Variants in CCDC88C observed in about 807,000 individuals in gnomAD.
The protein encoded by CCDC88C is coiled-coil and HOOK domain protein 88C, also known as protein Daple.
A neutral mutation model predicts 198.8 loss-of-function variants in CCDC88C; 131 were observed. That is an observed-to-expected ratio of 0.66 (90% confidence interval 0.57 to 0.76). The LOEUF (loss-of-function observed/expected upper bound fraction) is 0.76, where lower values mean the gene tolerates loss of function less well. Among genes scored for constraint, CCDC88C ranks in the 30% least tolerant of loss-of-function variants. CCDC88C has a pLI of 0.00. For synonymous variants in CCDC88C, 1,166 were observed against 1,114.7 expected (o/e 1.05, Z -0.92); for missense variants, 2,553 against 2,631.6 (o/e 0.97, Z 0.65).
intron 12 of CCDC88C, among the ~76,000 whole-genome samples, chr14:91,323,878 C>CA (rs1306364644): frequency 6.6e-6 from 1 of 152,280 alleles, no homozygotes; most frequent in Non-Finnish European, 1.5e-5. Flanking sequence ...GCTAACTTCT[C>CA]ACACAGATTC....
intron 10 of CCDC88C, among the ~76,000 whole-genome samples, chr14:91,337,784 CATCA>C (rs1226742622): frequency 6.6e-6 from 1 of 152,242 alleles, no homozygotes; most frequent in Non-Finnish European, 1.5e-5. Flanking sequence ...CACTGCCTTA[CATCA>C]ATCAATTACA....
At position 91,314,017 on chromosome 14, in the gene CCDC88C, G is replaced by A. The variant is rs771468832; in HGVS notation, c.1799C>T (p.Thr600Met). ...CTGGCTGAGCTTGCCATTGGCCTCC[G>A]TCACCGTCTGGTGGAGGGCTTTGTT... ...KENKALHQTV[T>M]EANGKLSQLE... Residue 600 changes from threonine to methionine, a missense_variant, in exon 15 of 30, where the codon ACG (threonine) becomes ATG (methionine). Coordinates refer to ENST00000389857, the MANE Select transcript of CCDC88C (RefSeq NM_001080414.4). 2.0e-5 allele frequency: 33 copies of A among 1,613,772 alleles called. No individual in the cohort carries two copies. Among genetic ancestry groups the A allele is most frequent in the East Asian group, 4.5e-5 (2 of 44,860 alleles).
chr14:91,279,243 A>G lies in CCDC88C; in HGVS notation c.4763T>C (p.Leu1588Pro). The change falls in exon 28 of 30, where the codon CTA (leucine) becomes CCA (proline). Residue 1588 changes from leucine (L) to proline (P), a missense_variant. Leu to Pro is a moderately conservative substitution (Grantham distance 98, BLOSUM62 -3). Transcript: ENST00000389857. The stretch of plus-strand genomic sequence containing the variant: ...CACAGAAGCACAAGACTTACCTTTT[A>G]GGTTAAGAGGTGAGCTGTTGCTGGA... Reference protein sequence around the residue: ...NTSSNSSPLNLKGSSEQLHGR... With the variant: ...NTSSNSSPLNPKGSSEQLHGR... 6.3e-7 allele frequency: 1 copy of G among 1,594,408 alleles called. No homozygotes were observed. The highest frequency in any genetic ancestry group is 8.6e-7 in the Non-Finnish European group (1 of 1,168,916).
At chr14:91,317,513 T>A (rs1936396136) in intron 13 of CCDC88C, among the ~76,000 whole-genome samples, 1 of 152,210 alleles carries the variant, frequency 6.6e-6, no homozygotes, top group Non-Finnish European at 1.5e-5. Flanking sequence ...GCGAGCACCC[T>A]CTACGTGTCA....
intron 20 of CCDC88C, among the ~76,000 whole-genome samples, chr14:91,301,841 A>T (rs1327830823): frequency 6.6e-6 from 1 of 152,236 alleles, no homozygotes; most frequent in Admixed American, 6.5e-5. Context: ...GACTTACACG[A>T]ATGCTTCATT....
At chr14:91,393,066 C>A (rs952181748) in intron 3 of CCDC88C, among the ~76,000 whole-genome samples, 3 of 152,212 alleles carry the variant, frequency 2.0e-5, no homozygotes, top group Non-Finnish European at 4.4e-5. Context: ...CCGGAAACGG[C>A]CCCTGGGCAC....
intron 19 of CCDC88C, among the ~76,000 whole-genome samples, 162 bp downstream of exon 19, chr14:91,305,603 C>A (rs1230621601): frequency 6.6e-6 from 1 of 152,226 alleles, no homozygotes; most frequent in Non-Finnish European, 1.5e-5. Context: ...ACCCCCTTCA[C>A]TGATCACTGT....
At chr14:91,281,589 G>T in intron 26 of CCDC88C, 64 bp from the exon 27 acceptor site, 1 of 1,449,174 alleles carries the variant, frequency 6.9e-7, no homozygotes, top group Non-Finnish European at 9.7e-7. Flanking sequence ...AGGGAACCCC[G>T]CCACCTCGCC....
chr14:91,301,282 G>T (rs922810629), intron 20 of CCDC88C, among the ~76,000 whole-genome samples: 11 of 152,204 alleles, frequency 7.2e-5, no homozygotes, highest in African/African-American at 2.2e-4. Context: ...TGCAGACACA[G>T]CAAGGGAGCC....
intron 4 of CCDC88C, among the ~76,000 whole-genome samples, chr14:91,349,975 T>C (rs893745564): frequency 1.3e-5 from 2 of 152,178 alleles, no homozygotes; most frequent in Admixed American, 6.5e-5. Flanking sequence ...TCACAGCACT[T>C]TCTGACTTAG....
rs545614217 is a variant in CCDC88C, at chr14:91,297,570, C to T, written c.3780-79G>A. ...AACGGCCCAGAGACCTGGGCTATGT[C>T]CCAGCTCTGACAGTGGCAGGCTGTG... On this transcript the variant is annotated intron_variant, in intron 21 of 29. Transcript: ENST00000389857. 16 of 1,436,550 alleles carry T rather than the reference C, an allele frequency of 1.1e-5. No individual in the cohort carries two copies. In the South Asian group the frequency reaches 1.8e-4, roughly 16 times the overall value. 89.0% of individuals were successfully genotyped at this position (1,436,550 alleles called of 1,614,324 possible). A position where few individuals can be genotyped will look rare whatever the true frequency, so the allele number is the denominator to read the frequency against.
chr14:91,305,698 G>A, intron 19 of CCDC88C, 67 bp downstream of exon 19: 4 of 1,501,526 alleles, frequency 2.7e-6, no homozygotes, highest in East Asian at 2.3e-5. Context: ...CCCCCAGTTG[G>A]TCCCCAGGAG....
chr14:91,345,190 A>ATATATTTT (rs1246878587), intron 4 of CCDC88C, among the ~76,000 whole-genome samples: 80 of 52,204 alleles, frequency 1.5e-3, no homozygotes, highest in Non-Finnish European at 2.2e-3. Context: ...ATATATATAT[A>ATATATTTT]TTTTTTTTTT....
chr14:91,297,623 T>G, intron 21 of CCDC88C, 132 bp from the exon 22 acceptor site: 16 of 815,272 alleles, frequency 2.0e-5, no homozygotes, highest in Non-Finnish European at 2.7e-5. Flanking sequence ...ACAACCTCTC[T>G]GGGCTTTTTT....
chr14:91,409,321 T>G (rs889382312), intron 2 of CCDC88C, among the ~76,000 whole-genome samples: 1 of 151,808 alleles, frequency 6.6e-6, no homozygotes, highest in Non-Finnish European at 1.5e-5. Context: ...CCCAGGCAGC[T>G]AGGACTACAG....
intron 4 of CCDC88C, among the ~76,000 whole-genome samples, chr14:91,346,102 T>C (rs1346168095): frequency 2.0e-5 from 3 of 152,252 alleles, no homozygotes; most frequent in Admixed American, 2.0e-4. Context: ...ACCGCCGTCC[T>C]GAGAACCAAT....
In CCDC88C at chr14:91,365,779, G is replaced by C. The variant is rs1283313683; in HGVS notation, c.271-6068C>G. On this transcript the variant is annotated intron_variant, in intron 3 of 29. Coordinates refer to ENST00000389857, the MANE Select transcript of CCDC88C (RefSeq NM_001080414.4). Reference sequence around the variant, plus strand: ...CCAAATCCTCCCCAAAACTACAAAAGGAAGCATGAAAGAGGTGTGAGATTA... The same window carrying C: ...CCAAATCCTCCCCAAAACTACAAAACGAAGCATGAAAGAGGTGTGAGATTA... Among the ~76,000 whole-genome samples, 3 of 152,232 alleles carry C rather than the reference G, an allele frequency of 2.0e-5. No homozygotes were observed. In the East Asian group the frequency reaches 5.8e-4, roughly 29 times the overall value.
intron 4 of CCDC88C, among the ~76,000 whole-genome samples, chr14:91,350,568 T>C (rs1478573564): frequency 1.3e-5 from 2 of 152,124 alleles, no homozygotes; most frequent in African/African-American, 4.8e-5. Flanking sequence ...AAGCATCCCT[T>C]TCCCTTCCTG....
At chr14:91,324,597 C>A (rs1351825679) in intron 12 of CCDC88C, among the ~76,000 whole-genome samples, 182 bp downstream of exon 12, 2 of 152,260 alleles carry the variant, frequency 1.3e-5, no homozygotes. Flanking sequence ...GGCTGCCAGA[C>A]CCCTCGTGTC....
Sources: allele counts gnomAD v4.1 joint callset (sites outside exome capture counted in the v4.1 genomes callset), GRCh38; gene constraint gnomAD v4.1.1; transcripts MANE v1.5; gene names NCBI Gene and HGNC (gene_info 2026-07-23, HGNC 2026-07-21).